Variants in RALGDS observed in about 807,000 individuals in gnomAD.
The protein encoded by RALGDS is ral guanine nucleotide exchange factor.
RALGDS carries 44 observed loss-of-function variants against 99.8 expected under a neutral mutation model. The observed-to-expected ratio is 0.44, with a 90% CI of 0.35 to 0.57. The LOEUF is 0.57. RALGDS is among the 20% of genes least tolerant of loss of function. The pLI, the probability that RALGDS is intolerant of heterozygous loss-of-function variation, is 0.01. For missense variants in RALGDS, 1,022 were observed against 1,203.1 expected (o/e 0.85, Z 2.23); for synonymous variants, 529 against 505.0 (o/e 1.05, Z -0.64).
At chr9:133,099,907 CTT>C in intron 17 of RALGDS, 1 of 325,000 alleles carries the variant, frequency 3.1e-6, no homozygotes, top group South Asian at 2.9e-5. Flanking sequence ...ACACTTGACA[CTT>C]TGGTCCACAG....
At chr9:133,130,982 A>C in exon 1 of RALGDS, 1 of 1,535,594 alleles carries the variant, frequency 6.5e-7, no homozygotes, top group Non-Finnish European at 8.7e-7. Context: ...GTGGATGCCC[A>C]GTCCCTGGCT....
At chr9:133,115,521 T>A (rs1831557983) in intron 1 of RALGDS, among the ~76,000 whole-genome samples, 1 of 152,134 alleles carries the variant, frequency 6.6e-6, no homozygotes, top group Non-Finnish European at 1.5e-5. Context: ...TGCCAGCACC[T>A]CACAGTTCTG....
rs1003136113 is a variant in RALGDS, at chr9:133,097,885, C to T, written c.*702G>A. ...CCCCACCCCAAATCCTCCTTCCTCACTAACCCCCGTCTTGCATGGTCTCGT... is the reference window on the plus strand; with the variant it reads ...CCCCACCCCAAATCCTCCTTCCTCATTAACCCCCGTCTTGCATGGTCTCGT... On this transcript the variant is annotated 3_prime_UTR_variant, in exon 18 of 18. Coordinates refer to ENST00000372050, the MANE Select transcript of RALGDS (RefSeq NM_006266.4). 20 of 225,478 alleles carry T rather than the reference C, an allele frequency of 8.9e-5. No homozygotes were observed. Among genetic ancestry groups the T allele is most frequent in the African/African-American group, 4.3e-4 (19 of 44,240 alleles). The allele number at this position is 225,478 out of a possible 1,614,324, so 14.0% of individuals were successfully genotyped here.
chr9:133,136,453 T>C (rs549103536), intron 1 of RALGDS, among the ~76,000 whole-genome samples: 1 of 151,536 alleles, frequency 6.6e-6, no homozygotes, highest in South Asian at 2.1e-4. Context: ...GCCTGGTCAA[T>C]GTGGTGAAAC....
chr9:133,115,789 A>G (rs867806481), intron 1 of RALGDS, among the ~76,000 whole-genome samples: 11 of 152,322 alleles, frequency 7.2e-5, no homozygotes, highest in Admixed American at 2.6e-4. Context: ...AGGCCTGCCT[A>G]AGGCTCAGGG....
At position 133,143,771 on chromosome 9, in the gene RALGDS, T is replaced by TAATAATAAC. The variant is rs1554745676; in HGVS notation, c.18+5191_18+5192insGTTATTATT. On this transcript the variant is annotated intron_variant, in intron 1 of 17. Coordinates refer to the RALGDS transcript ENST00000393160. ...ATAATAATAATAATAATAATAATAATAACAACAACAACAACAATAATAATA... is the reference window on the plus strand; with the variant it reads ...ATAATAATAATAATAATAATAATAATAATAATAACAACAACAACAACAACAATAATAATA... Among the ~76,000 whole-genome samples, 362 of 111,528 alleles carry TAATAATAAC rather than the reference T, an allele frequency of 3.2e-3. 1 individual carries two copies. The highest frequency in any genetic ancestry group is 9.9e-3 in the African/African-American group (281 of 28,332). The allele number at this position is 111,528 out of a possible 152,430, so 73.2% of individuals were successfully genotyped here. A position where few individuals can be genotyped will look rare whatever the true frequency, so the allele number is the denominator to read the frequency against.
At chr9:133,118,862 C>T (rs1255903387) in intron 1 of RALGDS, among the ~76,000 whole-genome samples, 1 of 152,208 alleles carries the variant, frequency 6.6e-6, no homozygotes, top group East Asian at 1.9e-4. Context: ...AGGTCAGAGA[C>T]TTCCCTTCTC....
chr9:133,116,887 C>T (rs928190318), intron 1 of RALGDS, among the ~76,000 whole-genome samples: 1 of 152,252 alleles, frequency 6.6e-6, no homozygotes. Flanking sequence ...AGGCTTGGAG[C>T]AGAGTCCAGC....
intron 16 of RALGDS, 172 bp from the exon 17 acceptor site, chr9:133,100,554 G>A: frequency 6.7e-7 from 1 of 1,484,988 alleles, no homozygotes; most frequent in Non-Finnish European, 8.9e-7. Flanking sequence ...TACTCCCCAA[G>A]TGAGGCCTCC....
chr9:133,143,732 C>T (rs113257800), intron 1 of RALGDS, among the ~76,000 whole-genome samples: 1 of 124,902 alleles, frequency 8.0e-6, no homozygotes, highest in Admixed American at 8.3e-5. Flanking sequence ...GAGCAAGACC[C>T]TGTCTCAATA....
Position 133,110,015 on chromosome 9 carries a change from G to A in RALGDS, c.488+281C>T, listed in dbSNP as rs141728756. On this transcript the variant is annotated intron_variant, in intron 3 of 17. Coordinates refer to ENST00000372050, the MANE Select transcript of RALGDS (RefSeq NM_006266.4). ...AGGCCACATACAAGAGAGGCTTGGG[G>A]CAGAGAGCTTCCCCATGGGGGACAG... Among the ~76,000 whole-genome samples the A allele has an allele frequency of 7.6e-4, 116 of 152,296 alleles. 1 individual carries two copies. The highest frequency in any genetic ancestry group is 2.6e-3 in the African/African-American group (107 of 41,542).
intron 8 of RALGDS, 32 bp downstream of exon 8, chr9:133,106,613 T>A: frequency 6.6e-7 from 1 of 1,516,200 alleles, no homozygotes; most frequent in Non-Finnish European, 9.1e-7. Flanking sequence ...AGGTCCCTGG[T>A]GCACCAGGAG....
At position 133,143,060 on chromosome 9, in the gene RALGDS, T is replaced by G. The variant is rs145047866; in HGVS notation, c.18+5903A>C. ...AGTGCTGAGCAGATACAAGGGACAC[T>G]TTAGCACAAGGCCTACAGGCTGGCT... On this transcript the variant is annotated intron_variant, in intron 1 of 17. Transcript: ENST00000393160. 1.9e-3 allele frequency among the ~76,000 whole-genome samples: 285 copies of G among 152,334 alleles called. 1 individual carries two copies. Among genetic ancestry groups the G allele is most frequent in the African/African-American group, 6.3e-3 (261 of 41,574 alleles).
At position 133,121,215 on chromosome 9, in the gene RALGDS, CCGCGCGGCT is replaced by C. The variant is rs1424871759; in HGVS notation, c.-70_-62del. On this transcript the variant is annotated 5_prime_UTR_variant, in exon 1 of 18. Transcript: ENST00000372050. ...CGCGCGGCGGGGGCGGCGGCGCGGC[CCGCGCGGCT>C]GGGCTTTGCCACCGCTGTGAGCCCG... 6.1e-6 allele frequency: 6 copies of C among 987,664 alleles called. No homozygotes were observed. The highest frequency in any genetic ancestry group is 7.2e-6 in the Non-Finnish European group (6 of 833,384). 61.2% of individuals were successfully genotyped at this position (987,664 alleles called of 1,614,324 possible).
intron 17 of RALGDS, chr9:133,099,740 A>AG (rs1313224687): frequency 5.7e-6 from 1 of 174,670 alleles, no homozygotes; most frequent in African/African-American, 2.4e-5. Flanking sequence ...TGAGAAGACA[A>AG]GCACAGAGGG....
At chr9:133,100,523 G>A in intron 16 of RALGDS, 141 bp from the exon 17 acceptor site, 2 of 1,546,064 alleles carry the variant, frequency 1.3e-6, no homozygotes, top group Non-Finnish European at 1.7e-6. Context: ...TGGGTCCGGA[G>A]AGGGCCTTGT....
chr9:133,124,289 C>T (rs576431819), upstream of RALGDS, among the ~76,000 whole-genome samples: 8 of 151,524 alleles, frequency 5.3e-5, no homozygotes, highest in Admixed American at 4.6e-4. Context: ...CAGGCACACA[C>T]ATTTAGAGAC....
At chr9:133,109,537 G>T in intron 4 of RALGDS, 89 bp downstream of exon 4, 1 of 1,236,156 alleles carries the variant, frequency 8.1e-7, no homozygotes. Flanking sequence ...GTTCTGCCCA[G>T]CCAGCCCCGG....
intron 16 of RALGDS, chr9:133,101,084 G>C (rs1221021992): frequency 1.8e-6 from 2 of 1,123,200 alleles, no homozygotes; most frequent in East Asian, 6.6e-5. Context: ...CTCTGACCCT[G>C]CTGGCCCCTT....
Sources: allele counts gnomAD v4.1 joint callset (sites outside exome capture counted in the v4.1 genomes callset), GRCh38; gene constraint gnomAD v4.1.1; transcripts MANE v1.5; gene names NCBI Gene and HGNC (gene_info 2026-07-23, HGNC 2026-07-21).